Variants in CBX2 observed in about 807,000 individuals in gnomAD.
CBX2 encodes chromobox protein homolog 2.
A neutral mutation model predicts 21.0 loss-of-function variants in CBX2; 11 were observed. That is an observed-to-expected ratio of 0.52 (90% CI 0.33 to 0.87). The LOEUF (loss-of-function observed/expected upper bound fraction) is 0.87. Among genes scored for constraint, CBX2 ranks in the 40% least tolerant of loss-of-function variants. CBX2 has a pLI of 0.02. For missense variants in CBX2, 746 were observed against 724.3 expected (o/e 1.03, Z -0.34); for synonymous variants, 364 against 304.6 (o/e 1.19, Z -2.03).
At chr17:79,777,953 G>C (rs1452520794), upstream of CBX2, among the ~76,000 whole-genome samples, 1 of 142,514 alleles carries the variant, frequency 7.0e-6, no homozygotes. Flanking sequence ...CCGGGGCCCC[G>C]CGCGGGACCC....
At chr17:79,779,583 T>C (rs940656657) in intron 3 of CBX2, 156 bp downstream of exon 3, 5 of 683,102 alleles carry the variant, frequency 7.3e-6, no homozygotes, top group South Asian at 5.1e-5. Context: ...TGTGGCTGGC[T>C]GTAAAAGTCC....
chr17:79,781,578 C>T (rs1907202621), intron 3 of CBX2, 118 bp from the exon 4 acceptor site: 1 of 886,298 alleles, frequency 1.1e-6, no homozygotes, highest in East Asian at 2.4e-5. Flanking sequence ...GTGTTTGCGG[C>T]AAACAGGATA....
intron 4 of CBX2, chr17:79,782,342 C>G (rs1598223919): frequency 3.4e-6 from 5 of 1,468,984 alleles, no homozygotes; most frequent in Non-Finnish European, 1.8e-6. Flanking sequence ...TTGGCCTTCT[C>G]GGGACTGTCC....
intron 3 of CBX2, 40 bp downstream of exon 3, chr17:79,779,467 G>T: frequency 6.3e-7 from 1 of 1,585,680 alleles, no homozygotes; most frequent in Non-Finnish European, 8.6e-7. Flanking sequence ...GTGGGGGAGG[G>T]ACGGTGGCTG....
Position 79,784,438 on chromosome 17 carries a change from G to A in CBX2, c.995G>A (p.Gly332Asp), listed in dbSNP as rs200044396. ...GNTGGPPHTHGASRVPAGCPG... is the reference protein window; with the variant it reads ...GNTGGPPHTHDASRVPAGCPG... ...ACAGGGGGCCCCCCGCACACCCATGGTGCCAGCAGGGTGCCTGCTGGGTGC... is the reference window on the plus strand; with the variant it reads ...ACAGGGGGCCCCCCGCACACCCATGATGCCAGCAGGGTGCCTGCTGGGTGC... Residue 332 changes from glycine (G) to aspartate (D), a missense_variant, in exon 5 of 5, where the codon GGT (glycine) becomes GAT (aspartate). Transcript: ENST00000310942. The surrounding 1 kb of genome is among the most constrained non-coding windows in gnomAD (Gnocchi z 5.9). The A allele has an allele frequency of 1.8e-5, 29 of 1,612,042 alleles. No individual in the cohort carries two copies. The Admixed American group carries it at 3.0e-4, about 17-fold the overall frequency.
intron 4 of CBX2, chr17:79,782,485 C>T: frequency 1.8e-5 from 22 of 1,207,470 alleles, no homozygotes; most frequent in Non-Finnish European, 2.3e-5. Context: ...AGGGCCTGGC[C>T]TCAGTCCCGG....
intron 3 of CBX2, among the ~76,000 whole-genome samples, chr17:79,781,441 G>A (rs1555830197): frequency 6.6e-6 from 1 of 152,146 alleles, no homozygotes; most frequent in African/African-American, 2.4e-5. Context: ...GAATACTGGG[G>A]CGTCATTGTT....
In CBX2 at chr17:79,779,371, C is replaced by T. The variant is rs114269401; in HGVS notation, c.126C>T (p.Ser42=). The change falls in exon 3 of 5, where the codon AGC becomes AGT. Residue 42 remains serine, a synonymous_variant. Coordinates refer to ENST00000310942, the MANE Select transcript of CBX2 (RefSeq NM_005189.3). Reference sequence around the variant, plus strand: ...GTCCTCTGCTTTGCAGACATAACAGCTGGGAGCCGGAGGAGAACATCCTGG... The same window carrying T: ...GTCCTCTGCTTTGCAGACATAACAGTTGGGAGCCGGAGGAGAACATCCTGG... ...KWRGWSSKHN[S]WEPEENILDP... is the part of the protein sequence containing the mutation. The T allele has an allele frequency of 3.0e-4, 489 of 1,613,836 alleles. 2 individuals carry two copies. Among genetic ancestry groups the T allele is most frequent in the African/African-American group, 2.6e-3 (194 of 75,056 alleles).
At chr17:79,783,468 G>A (rs577711338) in intron 4 of CBX2, among the ~76,000 whole-genome samples, 2 of 150,860 alleles carry the variant, frequency 1.3e-5, no homozygotes, top group East Asian at 3.9e-4. Context: ...GGAGTTCAGT[G>A]GCACAATCTT....
intron 4 of CBX2, chr17:79,782,429 C>T: frequency 2.3e-6 from 3 of 1,307,252 alleles, no homozygotes; most frequent in East Asian, 3.5e-5. Flanking sequence ...GTGGTAGGGC[C>T]CCTCCCTCCC....
chr17:79,783,102 C>T (rs1907355360), intron 4 of CBX2, among the ~76,000 whole-genome samples: 1 of 152,210 alleles, frequency 6.6e-6, no homozygotes, highest in Non-Finnish European at 1.5e-5. Context: ...AACGTCTGCT[C>T]TACAGCCCGG....
chr17:79,781,658 C>T (rs782037228), intron 3 of CBX2, 38 bp from the exon 4 acceptor site: 1 of 1,566,506 alleles, frequency 6.4e-7, no homozygotes, highest in Admixed American at 1.7e-5. Flanking sequence ...GGGGTACGCA[C>T]AGGGCTTCTC....
Position 79,779,341 on chromosome 17 carries a change from GC to G in CBX2, c.117-18del. 1 of 1,612,470 alleles carries G rather than the reference GC, an allele frequency of 6.2e-7. No individual in the cohort carries two copies. Among genetic ancestry groups the G allele is most frequent in the Non-Finnish European group, 8.5e-7 (1 of 1,179,470 alleles). ...GATCATCAGCCTGGCGTCTAATGCT[GC>G]CCTGTCCTCTGCTTTGCAGACATAA... On this transcript the variant is annotated intron_variant, in intron 2 of 4. Transcript: ENST00000310942.
At position 79,785,199 on chromosome 17, in the gene CBX2, C is replaced by T. The variant is rs1555831539; in HGVS notation, c.*157C>T. 11 of 668,276 alleles carry T rather than the reference C, an allele frequency of 1.6e-5. No individual in the cohort carries two copies. Among genetic ancestry groups the T allele is most frequent in the Admixed American group, 8.8e-5 (4 of 45,210 alleles). 41.4% of individuals were successfully genotyped at this position (668,276 alleles called of 1,614,324 possible). On this transcript the variant is annotated 3_prime_UTR_variant, in exon 5 of 5. Transcript: ENST00000310942. ...GGGCAGGCTTGGAAGGGACTTCTCC[C>T]GCACCCCACTCTGTCCCAGGACATA...
At chr17:79,780,065 C>G (rs1907058325) in intron 3 of CBX2, among the ~76,000 whole-genome samples, 1 of 152,200 alleles carries the variant, frequency 6.6e-6, no homozygotes, top group Non-Finnish European at 1.5e-5. Context: ...GATAGGCCTC[C>G]TTGAGATGTT....
chr17:79,780,027 A>G (rs754343852), intron 3 of CBX2, among the ~76,000 whole-genome samples: 19 of 152,302 alleles, frequency 1.2e-4, no homozygotes, highest in Admixed American at 4.6e-4. Context: ...TGTCATTTCT[A>G]TTTTTAGGTA....
rs1215814902 is a variant in CBX2 at position 79,785,624 on chromosome 17, GT to G, written c.*583del. 1.9e-5 allele frequency: 3 copies of G among 159,384 alleles called. No individual in the cohort carries two copies. The highest frequency in any genetic ancestry group is 7.2e-5 in the African/African-American group (3 of 41,554). The allele number at this position is 159,384 out of a possible 1,614,324, so 9.9% of individuals were successfully genotyped here. On this transcript the variant is annotated 3_prime_UTR_variant, in exon 5 of 5. Transcript: ENST00000310942. Reference sequence around the variant, plus strand: ...CATTGCCTGAGCCGGCAGTGATGAAGTGGGGAGCTTGCCCTTGACAGGTGGG... The same window carrying G: ...CATTGCCTGAGCCGGCAGTGATGAAGGGGGAGCTTGCCCTTGACAGGTGGG...
At chr17:79,782,984 A>T (rs1907344793) in intron 4 of CBX2, among the ~76,000 whole-genome samples, 1 of 152,146 alleles carries the variant, frequency 6.6e-6, no homozygotes, top group Admixed American at 6.5e-5. Context: ...GGAAATGGGG[A>T]TACTGAAGCC....
intron 3 of CBX2, among the ~76,000 whole-genome samples, chr17:79,781,027 C>T (rs1907145215): frequency 6.7e-6 from 1 of 150,216 alleles, no homozygotes; most frequent in South Asian, 2.1e-4. Context: ...GCTAGCACTT[C>T]ATGACCCTGG....
Sources: allele counts gnomAD v4.1 joint callset (sites outside exome capture counted in the v4.1 genomes callset), GRCh38; gene constraint gnomAD v4.1.1; non-coding constraint Gnocchi (gnomAD v3.1); transcripts MANE v1.5; gene names NCBI Gene and HGNC (gene_info 2026-07-23, HGNC 2026-07-21).